ZFAT: variants seen among roughly 807,000 people sequenced by gnomAD.
ZFAT encodes the protein zinc finger and AT-hook domain containing.
A neutral mutation model predicts 117.7 loss-of-function variants in ZFAT; 64 were observed. The ratio of observed to expected loss-of-function variants is 0.54; its 90% confidence interval spans 0.44 to 0.67. The LOEUF is 0.67. Ranked by LOEUF, ZFAT falls within the 30% of genes least tolerant of loss-of-function variation. ZFAT has a pLI of 0.00. For synonymous variants in ZFAT, 679 were observed against 615.0 expected (o/e 1.10, Z -1.54); for missense variants, 1,433 against 1,584.5 (o/e 0.90, Z 1.62).
chr8:134,778,819 A>G, the ZFAT span, among the ~76,000 whole-genome samples: 1 of 152,234 alleles, frequency 6.6e-6, no homozygotes. Flanking sequence ...GCACAGGATT[A>G]CAAAACAGGA....
chr8:134,610,501 A>G lies in ZFAT; in HGVS notation c.603T>C (p.Ser201=). The change falls in exon 4 of 16, where the codon AGT becomes AGC. Residue 201 remains serine, a synonymous_variant. Transcript: ENST00000377838. ...QLSGAKKPII[S]VVLTAHEAIP... ...TTGCTTCGTGTGCAGTTAAAACCACACTTATGATGGGTTTCTTCGCCCCAG... is the reference window on the plus strand; with the variant it reads ...TTGCTTCGTGTGCAGTTAAAACCACGCTTATGATGGGTTTCTTCGCCCCAG... 1 of 1,613,788 alleles carries G rather than the reference A, an allele frequency of 6.2e-7. No individual in the cohort carries two copies. Among genetic ancestry groups the G allele is most frequent in the Admixed American group, 1.7e-5 (1 of 59,968 alleles).
rs35879552 is a variant in ZFAT at position 134,696,920 on chromosome 8, A to ATTT, written c.19+15922_19+15924dup. On this transcript the variant is annotated intron_variant, in intron 1 of 15. Transcript: ENST00000377838. ...CATCAGTCAGGAAACTAATCCAACA[A>ATTT]TTTTTTTTTTTTTTTGGAGACGAGT... Among the ~76,000 whole-genome samples, 245 of 144,724 alleles carry ATTT rather than the reference A, an allele frequency of 1.7e-3. 1 individual carries two copies. The highest frequency in any genetic ancestry group is 3.6e-3 in the Middle Eastern group (1 of 276). 94.9% of individuals were successfully genotyped at this position (144,724 alleles called of 152,430 possible).
At chr8:134,819,282 GAAA>G in the ZFAT span, among the ~76,000 whole-genome samples, 55 of 150,284 alleles carry the variant, frequency 3.7e-4, 1 homozygote, top group Middle Eastern at 0.01. Context: ...AAAAAAAAAG[GAAA>G]AAAAAGAATG....
chr8:134,621,133 T>G (rs1268455622), intron 3 of ZFAT, among the ~76,000 whole-genome samples: 1 of 150,500 alleles, frequency 6.6e-6, no homozygotes. Context: ...GAAATCTGTC[T>G]GAGATGCTTA....
the ZFAT span, among the ~76,000 whole-genome samples, chr8:134,771,706 A>G: frequency 6.2e-4 from 95 of 152,080 alleles, no homozygotes; most frequent in Non-Finnish European, 1.0e-3. Context: ...TTGCTTCCAC[A>G]TTTTCAGGTA....
chr8:134,636,659 C>G (rs1244200917), intron 3 of ZFAT, among the ~76,000 whole-genome samples: 2 of 152,150 alleles, frequency 1.3e-5, no homozygotes, highest in Non-Finnish European at 2.9e-5. Context: ...ACATGGGGTA[C>G]AGTTTGAAGG....
the ZFAT span, among the ~76,000 whole-genome samples, chr8:134,778,307 T>G: frequency 1.3e-5 from 2 of 152,198 alleles, no homozygotes; most frequent in African/African-American, 2.4e-5. Flanking sequence ...GCTGGACTGT[T>G]CCCTAGGGCT....
At chr8:134,554,647 G>A (rs1823427623) in intron 11 of ZFAT, among the ~76,000 whole-genome samples, 1 of 152,194 alleles carries the variant, frequency 6.6e-6, no homozygotes, top group Admixed American at 6.5e-5. Context: ...GGCAGAGCAA[G>A]GCAGGAGAGA....
At chr8:134,722,153 GA>G in the ZFAT span, among the ~76,000 whole-genome samples, 2 of 152,120 alleles carry the variant, frequency 1.3e-5, no homozygotes, top group African/African-American at 4.8e-5. Context: ...ACTCACGGGA[GA>G]AAAAAAGCTC....
chr8:134,712,727 C>T (rs1207947574), intron 1 of ZFAT, 118 bp downstream of exon 1: 4 of 874,734 alleles, frequency 4.6e-6, no homozygotes, highest in East Asian at 3.7e-5. Flanking sequence ...CCGCGGCCGG[C>T]GGCCGGCGGC....
the ZFAT span, among the ~76,000 whole-genome samples, chr8:134,814,421 C>T: frequency 2.6e-5 from 4 of 152,170 alleles, no homozygotes; most frequent in Non-Finnish European, 5.9e-5. Context: ...AACCAGGTTT[C>T]TATTTAAAAT....
At chr8:134,819,814 C>T in the ZFAT span, among the ~76,000 whole-genome samples, 6 of 151,718 alleles carry the variant, frequency 4.0e-5, no homozygotes, top group African/African-American at 1.5e-4. Context: ...TCAAAGGTTT[C>T]AAAACTCTTC....
intron 1 of ZFAT, among the ~76,000 whole-genome samples, chr8:134,690,167 G>C (rs138845271): frequency 6.6e-6 from 1 of 152,302 alleles, no homozygotes; most frequent in African/African-American, 2.4e-5. Context: ...TTTCCCTGCA[G>C]ACGAGAGAAA....
the ZFAT span, among the ~76,000 whole-genome samples, chr8:134,799,623 G>A: frequency 1.3e-5 from 2 of 152,244 alleles, no homozygotes; most frequent in East Asian, 3.9e-4. Flanking sequence ...TTAGTCGACT[G>A]AGGAAACTGA....
intron 1 of ZFAT, among the ~76,000 whole-genome samples, chr8:134,667,611 A>G (rs1211152732): frequency 6.7e-6 from 1 of 148,592 alleles, no homozygotes; most frequent in Admixed American, 6.7e-5. Context: ...AAGTAAAATA[A>G]AAAAAAAAAG....
chr8:134,678,380 T>C (rs1832908046), intron 1 of ZFAT, among the ~76,000 whole-genome samples: 1 of 152,112 alleles, frequency 6.6e-6, no homozygotes, highest in African/African-American at 2.4e-5. Flanking sequence ...GAATACAACT[T>C]ACAAGGGATG....
At chr8:134,759,978 A>G in the ZFAT span, among the ~76,000 whole-genome samples, 2 of 149,242 alleles carry the variant, frequency 1.3e-5, no homozygotes, top group Non-Finnish European at 3.0e-5. Context: ...CTCAAAAAAA[A>G]AAAAAAAAAA....
intron 1 of ZFAT, among the ~76,000 whole-genome samples, chr8:134,694,195 A>T (rs550927175): frequency 6.6e-6 from 1 of 152,328 alleles, no homozygotes; most frequent in Non-Finnish European, 1.5e-5. Flanking sequence ...GGAATGAGGC[A>T]CGTGGCTGAG....
rs537613384 is a variant in ZFAT, at chr8:134,514,946, C to A, written c.3235-2345G>T. Among the ~76,000 whole-genome samples, 3 of 152,290 alleles carry A rather than the reference C, an allele frequency of 2.0e-5. No homozygotes were observed. The South Asian group carries it at 6.2e-4, about 32-fold the overall frequency. On this transcript the variant is annotated intron_variant, in intron 13 of 15. Coordinates refer to ENST00000377838, the MANE Select transcript of ZFAT (RefSeq NM_020863.4). Reference sequence around the variant, plus strand: ...TCTACATTAGGTATTTCTCCTAATGCTATCCCTCCCCTAGCCCTCCACCCC... The same window carrying A: ...TCTACATTAGGTATTTCTCCTAATGATATCCCTCCCCTAGCCCTCCACCCC...
Sources: allele counts gnomAD v4.1 joint callset (sites outside exome capture counted in the v4.1 genomes callset), GRCh38; gene constraint gnomAD v4.1.1; transcripts MANE v1.5; gene names NCBI Gene and HGNC (gene_info 2026-07-23, HGNC 2026-07-21).